Variants in GALNTL6 observed in about 807,000 individuals in gnomAD.
GALNTL6 encodes polypeptide N-acetylgalactosaminyltransferase like 6.
In GALNTL6, 46 loss-of-function variants were observed where a neutral mutation model predicts 73.7. The observed-to-expected ratio is 0.62, with a 90% CI of 0.49 to 0.80. GALNTL6 has a LOEUF of 0.80. GALNTL6 is among the 30% of genes least tolerant of loss of function. GALNTL6 has a pLI of 0.00. For missense variants in GALNTL6, 604 were observed against 755.0 expected (o/e 0.80, Z 2.34); for synonymous variants, 259 against 263.7 (o/e 0.98, Z 0.17).
At chr4:172,567,985 T>C (rs2110941461) in intron 5 of GALNTL6, among the ~76,000 whole-genome samples, 1 of 152,330 alleles carries the variant, frequency 6.6e-6, no homozygotes, top group South Asian at 2.1e-4. Context: ...TTTCCTTAGT[T>C]GATATAGATA....
chr4:172,513,394 C>T (rs893859640), intron 5 of GALNTL6, among the ~76,000 whole-genome samples: 5 of 152,198 alleles, frequency 3.3e-5, no homozygotes, highest in South Asian at 2.1e-4. Flanking sequence ...GCTTAATAAT[C>T]GAACTTCTGA....
chr4:172,611,578 C>T (rs2111050010), intron 5 of GALNTL6, among the ~76,000 whole-genome samples: 1 of 151,992 alleles, frequency 6.6e-6, no homozygotes, highest in East Asian at 1.9e-4. Context: ...GGTAATCTGC[C>T]TCTTCTCTCT....
At chr4:172,402,394 G>A (rs1297182223) in intron 5 of GALNTL6, among the ~76,000 whole-genome samples, 1 of 152,006 alleles carries the variant, frequency 6.6e-6, no homozygotes, top group Non-Finnish European at 1.5e-5. Flanking sequence ...CTCTCAATGA[G>A]GTCAATGGCA....
intron 5 of GALNTL6, among the ~76,000 whole-genome samples, chr4:172,363,214 A>C (rs1324002347): frequency 6.6e-6 from 1 of 152,056 alleles, no homozygotes; most frequent in Non-Finnish European, 1.5e-5. Context: ...TGTTTTATTA[A>C]ATAATGTTTT....
chr4:172,649,957 G>T (rs1226690044), intron 5 of GALNTL6, among the ~76,000 whole-genome samples: 1 of 152,178 alleles, frequency 6.6e-6, no homozygotes, highest in Non-Finnish European at 1.5e-5. Flanking sequence ...ATGTAGCCAA[G>T]GAGGTCACAG....
At chr4:171,943,383 T>A (rs997679287) in intron 2 of GALNTL6, among the ~76,000 whole-genome samples, 8 of 152,204 alleles carry the variant, frequency 5.3e-5, no homozygotes, top group African/African-American at 1.9e-4. Flanking sequence ...TATTGACTTT[T>A]AGGATTTCCA....
intron 5 of GALNTL6, among the ~76,000 whole-genome samples, chr4:172,500,400 G>A (rs1240430718): frequency 6.6e-6 from 1 of 152,112 alleles, no homozygotes; most frequent in East Asian, 1.9e-4. Flanking sequence ...CAGCCTGGGT[G>A]ACAGAGAGGG....
chr4:172,791,016 T>C (rs899025142), intron 5 of GALNTL6, among the ~76,000 whole-genome samples: 3 of 151,638 alleles, frequency 2.0e-5, no homozygotes, highest in Non-Finnish European at 4.4e-5. Flanking sequence ...AAGGAGATCC[T>C]CAATACTGGT....
intron 2 of GALNTL6, among the ~76,000 whole-genome samples, chr4:172,156,541 A>ATATATGTATATATATAC (rs1734276378): frequency 1.3e-4 from 1 of 7,408 alleles, no homozygotes; most frequent in African/African-American, 2.6e-4. Flanking sequence ...TATATATATA[A>ATATATGTATATATATAC]TATATATATA....
chr4:172,608,679 G>A (rs1738402119), intron 5 of GALNTL6, among the ~76,000 whole-genome samples: 2 of 152,124 alleles, frequency 1.3e-5, no homozygotes, highest in South Asian at 4.1e-4. Context: ...TGTGAAAAAT[G>A]TCATTGTTTG....
chr4:172,382,704 T>A (rs1439115218), intron 5 of GALNTL6, among the ~76,000 whole-genome samples: 1 of 152,202 alleles, frequency 6.6e-6, no homozygotes, highest in Non-Finnish European at 1.5e-5. Flanking sequence ...GTATGTTCTC[T>A]CTTCTAAAAG....
chr4:172,547,431 C>T (rs1284710434), intron 5 of GALNTL6, among the ~76,000 whole-genome samples: 1 of 152,100 alleles, frequency 6.6e-6, no homozygotes, highest in Admixed American at 6.6e-5. Context: ...AACCCTTCTG[C>T]CACTCTCTGT....
rs374767163 is a variant in GALNTL6 at position 172,738,440 on chromosome 4, G to A, written c.554-70921G>A. On this transcript the variant is annotated intron_variant, in intron 5 of 12. Coordinates refer to ENST00000506823, the MANE Select transcript of GALNTL6 (RefSeq NM_001034845.3). ...GGTGTTTGTTGTAATGGGGAATGAA[G>A]CCAGCTTGTCTCTACACCACCATTT... is the stretch of plus-strand genomic sequence containing the variant. Among the ~76,000 whole-genome samples, 49 of 152,230 alleles carry A rather than the reference G, an allele frequency of 3.2e-4. 1 individual carries two copies. The highest frequency in any genetic ancestry group is 6.8e-3 in the Middle Eastern group (2 of 294).
At chr4:172,261,546 C>T (rs1416885757) in intron 3 of GALNTL6, among the ~76,000 whole-genome samples, 2 of 151,156 alleles carry the variant, frequency 1.3e-5, no homozygotes, top group Non-Finnish European at 3.0e-5. Context: ...ATTATTTTTT[C>T]AAATAAACAG....
At chr4:171,905,019 G>A (rs575441562) in intron 2 of GALNTL6, among the ~76,000 whole-genome samples, 11 of 152,174 alleles carry the variant, frequency 7.2e-5, no homozygotes, top group Admixed American at 3.9e-4. Flanking sequence ...AGGAACAACC[G>A]ATACGAGCCA....
At chr4:171,901,335 G>A (rs1335178788) in intron 2 of GALNTL6, among the ~76,000 whole-genome samples, 2 of 152,144 alleles carry the variant, frequency 1.3e-5, no homozygotes, top group Non-Finnish European at 2.9e-5. Context: ...GGCATTAGAA[G>A]CCCCCACAAA....
intron 5 of GALNTL6, among the ~76,000 whole-genome samples, chr4:172,358,622 A>T (rs1361842159): frequency 2.6e-5 from 4 of 152,158 alleles, no homozygotes; most frequent in Non-Finnish European, 5.9e-5. Context: ...AAGCCAAAAG[A>T]TTGGATGCTC....
At chr4:171,916,781 T>C (rs1737645343) in intron 2 of GALNTL6, among the ~76,000 whole-genome samples, 1 of 152,118 alleles carries the variant, frequency 6.6e-6, no homozygotes, top group Non-Finnish European at 1.5e-5. Flanking sequence ...GGATTTACAA[T>C]TCTGTTTCTC....
At chr4:171,839,278 T>A (rs999697305) in intron 2 of GALNTL6, among the ~76,000 whole-genome samples, 3 of 152,106 alleles carry the variant, frequency 2.0e-5, no homozygotes, top group African/African-American at 7.2e-5. Context: ...CAGTGAATTT[T>A]TAAATTTGTT....
Sources: gnomAD v4.1 joint callset for allele counts (sites outside exome capture counted in the v4.1 genomes callset) on GRCh38, gnomAD v4.1.1 for gene constraint, MANE v1.5 for transcripts, NCBI Gene and HGNC (gene_info 2026-07-23, HGNC 2026-07-21) for gene names.